Variants in ADGRL1 observed in about 807,000 individuals in gnomAD.
ADGRL1 encodes adhesion G protein-coupled receptor L1.
Under a neutral mutation model 148.9 loss-of-function variants are expected in ADGRL1, and 31 were observed. The ratio of observed to expected loss-of-function variants is 0.21; its 90% CI spans 0.16 to 0.28. The LOEUF is 0.28. Ranked by LOEUF, ADGRL1 falls within the 10% of genes least tolerant of loss-of-function variation. The pLI is 1.00. For missense variants in ADGRL1, 1,521 were observed against 2,058.8 expected (o/e 0.74, Z 5.05); for synonymous variants, 937 against 900.3 (o/e 1.04, Z -0.73).
At chr19:14,158,267 G>T in intron 12 of ADGRL1, 71 bp downstream of exon 12, 1 of 1,478,718 alleles carries the variant, frequency 6.8e-7, no homozygotes, top group Non-Finnish European at 9.4e-7. Context: ...CACATGGAGG[G>T]GCAGGTACAC....
At chr19:14,170,830 A>T in intron 3 of ADGRL1, 39 bp from the exon 4 acceptor site, 11 of 707,366 alleles carry the variant, frequency 1.6e-5, no homozygotes, top group Non-Finnish European at 2.8e-5. Context: ...AGAAACACAT[A>T]GACGGGGTGG....
In ADGRL1 at chr19:14,155,348, C is replaced by A. The variant is rs776981618; in HGVS notation, c.3294+11G>T. The A allele has an allele frequency of 5.0e-6, 8 of 1,612,996 alleles. No homozygotes were observed. The highest frequency in any genetic ancestry group is 1.3e-5 in the African/African-American group (1 of 74,876). ...GGGAGGCTGTGACCCAGGACCCCGC[C>A]TCGACCTCACCTTCTTCTGTAAGGC... On this transcript the variant is annotated intron_variant, in intron 18 of 22. Transcript: ENST00000361434. This position sits in a 1 kb window ranked among gnomAD's most constrained non-coding sequence, Gnocchi z 5.0.
intron 1 of ADGRL1, among the ~76,000 whole-genome samples, chr19:14,203,090 C>T (rs2145192632): frequency 6.6e-6 from 1 of 152,304 alleles, no homozygotes; most frequent in Non-Finnish European, 1.5e-5. Context: ...CACTTTGCCC[C>T]AAACCCAGCC....
intron 1 of ADGRL1, among the ~76,000 whole-genome samples, chr19:14,196,446 T>C (rs956722389): frequency 1.3e-5 from 2 of 152,098 alleles, no homozygotes; most frequent in African/African-American, 2.4e-5. Context: ...TAGTGAAACC[T>C]TGTCTCTGCC....
rs751736802 is a variant in ADGRL1 at position 14,148,104 on chromosome 19, G to C, written c.*2769C>G. ...GAATTAACAAGATTTAGGAGCAAAC[G>C]AGTTCAGGAGCCTAAGGAAGGGAGT... is the stretch of plus-strand genomic sequence containing the variant. On this transcript the variant is annotated 3_prime_UTR_variant, in exon 23 of 23. Transcript: ENST00000361434. 1 of 152,712 alleles carries C rather than the reference G, an allele frequency of 6.5e-6. No individual in the cohort carries two copies. Among genetic ancestry groups the C allele is most frequent in the Non-Finnish European group, 1.5e-5 (1 of 68,120 alleles). 9.5% of individuals were successfully genotyped at this position (152,712 alleles called of 1,614,324 possible).
At chr19:14,175,024 G>T (rs1458601047) in intron 3 of ADGRL1, among the ~76,000 whole-genome samples, 1 of 151,384 alleles carries the variant, frequency 6.6e-6, no homozygotes, top group Non-Finnish European at 1.5e-5. Context: ...TTAGTTTCTA[G>T]TAGAGACAGG....
chr19:14,193,104 G>C (rs990550266), intron 1 of ADGRL1, among the ~76,000 whole-genome samples: 1 of 151,774 alleles, frequency 6.6e-6, no homozygotes, highest in Non-Finnish European at 1.5e-5. Context: ...AGTTCCCCAG[G>C]AGCACGACGC....
chr19:14,177,522 C>A lies in ADGRL1; in HGVS notation c.284+9G>T. 21 of 1,610,682 alleles carry A rather than the reference C, an allele frequency of 1.3e-5. No individual in the cohort carries two copies. Among genetic ancestry groups the A allele is most frequent in the Non-Finnish European group, 1.8e-5 (21 of 1,176,958 alleles). ...CTTCATCCAGGAACTGCCACGAGAG[C>A]CCACTCACCTCTGTGACATGATCTT... is the stretch of plus-strand genomic sequence containing the variant. On this transcript the variant is annotated intron_variant, in intron 3 of 22. Coordinates refer to ENST00000361434, the MANE Select transcript of ADGRL1 (RefSeq NM_014921.5).
At position 14,183,704 on chromosome 19, in the gene ADGRL1, G is replaced by GA; in HGVS notation, c.-95-8dup. On this transcript the variant is annotated splice_polypyrimidine_tract_variant and splice_region_variant and intron_variant, in intron 1 of 22. Coordinates refer to ENST00000361434, the MANE Select transcript of ADGRL1 (RefSeq NM_014921.5). ...CACGGCCTGGACCACCAGCCTGGGG[G>GA]AGGACAGGGAGACTGAGGTGGGGAT... The GA allele has an allele frequency of 1.9e-6, 2 of 1,049,554 alleles. No individual in the cohort carries two copies. The highest frequency in any genetic ancestry group is 2.8e-6 in the Non-Finnish European group (2 of 721,240). The allele number at this position is 1,049,554 out of a possible 1,614,324, so 65.0% of individuals were successfully genotyped here. A position where few individuals can be genotyped will look rare whatever the true frequency, so the allele number is the denominator to read the frequency against.
chr19:14,188,340 A>C lies in ADGRL1; in HGVS notation c.-95-4643T>G, dbSNP rs1274647514. On this transcript the variant is annotated intron_variant, in intron 1 of 22. Transcript: ENST00000361434. The stretch of plus-strand genomic sequence containing the variant: ...GGCCCCATCAGAGGGTGCTGTGCAC[A>C]GCCTGGTGCCAGTCAGGGCACAAAG... Among the ~76,000 whole-genome samples the C allele has an allele frequency of 2.0e-5, 3 of 152,266 alleles. No individual in the cohort carries two copies. In the East Asian group the frequency reaches 5.8e-4, roughly 29 times the overall value.
Position 14,161,405 on chromosome 19 carries a change from G to C in ADGRL1, c.1417C>G (p.Leu473Val). The C allele has an allele frequency of 1.9e-6, 3 of 1,567,810 alleles. No homozygotes were observed. The highest frequency in any genetic ancestry group is 2.6e-6 in the Non-Finnish European group (3 of 1,160,346). Residue 473 changes from leucine to valine, a missense_variant, in exon 6 of 23, where the codon CTC (leucine) becomes GTC (valine). Around this residue, in one of 8 missense-constraint regions of ADGRL1, gnomAD observed 270 missense variants for 320.4 expected, o/e 0.84. Coordinates refer to ENST00000361434, the MANE Select transcript of ADGRL1 (RefSeq NM_014921.5). This position sits in a 1 kb window ranked among gnomAD's most constrained non-coding sequence, Gnocchi z 4.4. ...PAPNLHVSPE[L>V]FCEPREVRRV... The stretch of plus-strand genomic sequence containing the variant: ...CGTACCTCTCGGGGCTCGCAGAAGA[G>C]CTCAGGGGACACGTGTAGATTCGGG...
At position 14,161,758 on chromosome 19, in the gene ADGRL1, G is replaced by C; in HGVS notation, c.1196-132C>G. The C allele has an allele frequency of 1.7e-6, 1 of 603,550 alleles. No individual in the cohort carries two copies. The highest frequency in any genetic ancestry group is 2.5e-6 in the Non-Finnish European group (1 of 394,096). 37.4% of individuals were successfully genotyped at this position (603,550 alleles called of 1,614,324 possible). A position where few individuals can be genotyped will look rare whatever the true frequency, so the allele number is the denominator to read the frequency against. ...GTGGAAACACGTGCCGGGCCCCACT[G>C]GGTCTATGAGTTGATCTCCCCTGGC... is the stretch of plus-strand genomic sequence containing the variant. On this transcript the variant is annotated intron_variant, in intron 5 of 22. Coordinates refer to ENST00000361434, the MANE Select transcript of ADGRL1 (RefSeq NM_014921.5). The surrounding 1 kb of genome is among the most constrained non-coding windows in gnomAD (Gnocchi z 4.4).
At chr19:14,205,063 A>C (rs1225208098) in intron 1 of ADGRL1, among the ~76,000 whole-genome samples, 1 of 152,004 alleles carries the variant, frequency 6.6e-6, no homozygotes, top group African/African-American at 2.4e-5. Flanking sequence ...GTGTGTAGCC[A>C]GCGGCTGTCT....
At position 14,161,403 on chromosome 19, in the gene ADGRL1, G is replaced by C. The variant is rs371297855; in HGVS notation, c.1419C>G (p.Leu473=). ...PAPNLHVSPE[L]FCEPREVRRV... The stretch of plus-strand genomic sequence containing the variant: ...GCCGTACCTCTCGGGGCTCGCAGAA[G>C]AGCTCAGGGGACACGTGTAGATTCG... The change falls in exon 6 of 23, where the codon CTC becomes CTG. Residue 473 remains leucine, a synonymous_variant. Transcript: ENST00000361434. This position sits in a 1 kb window ranked among gnomAD's most constrained non-coding sequence, Gnocchi z 4.4. 1.3e-6 allele frequency: 2 copies of C among 1,566,640 alleles called. No homozygotes were observed. The highest frequency in any genetic ancestry group is 2.8e-5 in the African/African-American group (2 of 72,200).
chr19:14,162,627 C>A lies in ADGRL1; in HGVS notation c.1174G>T (p.Gly392Trp). Reference sequence around the variant, plus strand: ...TCACCAGCACTGGGGTCGGGCGGCCCGAACTCCAGGCTGTAGCGCACCACG... The same window carrying A: ...TCACCAGCACTGGGGTCGGGCGGCCAGAACTCCAGGCTGTAGCGCACCACG... ...YFVVRYSLEF[G>W]PPDPSAGPAT... The change falls in exon 5 of 23, where the codon GGG (glycine) becomes TGG (tryptophan). Residue 392 changes from glycine to tryptophan, a missense_variant. Physicochemically the swap from Gly to Trp is radical, Grantham distance 184. This residue lies in a region of ADGRL1 where 270 missense variants were observed against 320.4 expected (regional missense o/e 0.84). Transcript: ENST00000361434. The surrounding 1 kb of genome is among the most constrained non-coding windows in gnomAD (Gnocchi z 5.4). The A allele has an allele frequency of 6.2e-7, 1 of 1,607,568 alleles. No individual in the cohort carries two copies. Among genetic ancestry groups the A allele is most frequent in the Non-Finnish European group, 8.5e-7 (1 of 1,174,940 alleles).
In ADGRL1 at chr19:14,160,704, G is replaced by A. The variant is rs1256676417; in HGVS notation, c.1511-8C>T. The A allele has an allele frequency of 4.6e-6, 7 of 1,526,876 alleles. No homozygotes were observed. Among genetic ancestry groups the A allele is most frequent in the Middle Eastern group, 1.7e-4 (1 of 5,922 alleles). The allele number at this position is 1,526,876 out of a possible 1,614,324, so 94.6% of individuals were successfully genotyped here. ...ACTGGAAGGAGGCAATTCCTGCAGGGACAGACAGACAGGAACAGACAAGGG... is the reference window on the plus strand; with the variant it reads ...ACTGGAAGGAGGCAATTCCTGCAGGAACAGACAGACAGGAACAGACAAGGG... On this transcript the variant is annotated splice_polypyrimidine_tract_variant and splice_region_variant and intron_variant, in intron 6 of 22. Coordinates refer to ENST00000361434, the MANE Select transcript of ADGRL1 (RefSeq NM_014921.5). The surrounding 1 kb of genome is among the most constrained non-coding windows in gnomAD (Gnocchi z 5.9).
intron 1 of ADGRL1, among the ~76,000 whole-genome samples, chr19:14,204,738 G>GAGAC (rs1309815818): frequency 7.0e-6 from 1 of 143,612 alleles, no homozygotes; most frequent in Non-Finnish European, 1.5e-5. Flanking sequence ...GAGAGAGAGA[G>GAGAC]AGACAGACAG....
chr19:14,158,266 G>A, intron 12 of ADGRL1, 72 bp downstream of exon 12: 1 of 1,470,778 alleles, frequency 6.8e-7, no homozygotes, highest in Non-Finnish European at 9.5e-7. Flanking sequence ...GCACATGGAG[G>A]GGCAGGTACA....
At chr19:14,166,623 G>A (rs576619730) in intron 4 of ADGRL1, among the ~76,000 whole-genome samples, 6 of 152,088 alleles carry the variant, frequency 3.9e-5, no homozygotes, top group African/African-American at 2.4e-5. Flanking sequence ...GTGCCCCAGT[G>A]GGGGAGCCGG....
Sources: allele counts gnomAD v4.1 joint callset (sites outside exome capture counted in the v4.1 genomes callset), GRCh38; gene constraint gnomAD v4.1.1; regional missense constraint gnomAD v4.1.1; non-coding constraint Gnocchi (gnomAD v3.1); transcripts MANE v1.5; gene names NCBI Gene and HGNC (gene_info 2026-07-23, HGNC 2026-07-21).